The following ERG variants were observed in gnomAD, a reference collection of about 807,000 sequenced individuals.
The protein encoded by ERG is transcriptional regulator ERG.
ERG carries 9 observed loss-of-function variants against 55.3 expected under a neutral mutation model. The ratio of observed to expected loss-of-function variants is 0.16; its 90% confidence interval spans 0.10 to 0.28. The LOEUF is 0.28. ERG is among the 10% of genes least tolerant of loss of function. The pLI is 1.00. For synonymous variants in ERG, 223 were observed against 237.3 expected (o/e 0.94, Z 0.55); for missense variants, 434 against 631.6 (o/e 0.69, Z 3.35).
intron 2 of ERG, among the ~76,000 whole-genome samples, chr21:38,431,647 G>A (rs934335100): frequency 6.6e-6 from 1 of 152,136 alleles, no homozygotes; most frequent in Non-Finnish European, 1.5e-5. Flanking sequence ...CCAAAGCAAA[G>A]ACACAAGTGC....
At chr21:38,402,726 AAAAAAG>A (rs1988562347) in intron 4 of ERG, 89 bp from the exon 5 acceptor site, 44 of 862,602 alleles carry the variant, frequency 5.1e-5, no homozygotes, top group African/African-American at 1.1e-4. Flanking sequence ...AAAAAAAAAA[AAAAAAG>A]AAAGAAAAAG....
At position 38,383,081 on chromosome 21, in the gene ERG, A is replaced by G. The variant is rs1470182652; in HGVS notation, c.*322T>C. The G allele has an allele frequency of 2.7e-6, 3 of 1,114,632 alleles. No individual in the cohort carries two copies. The highest frequency in any genetic ancestry group is 4.4e-5 in the South Asian group (1 of 22,684). The allele number at this position is 1,114,632 out of a possible 1,614,324, so 69.0% of individuals were successfully genotyped here. Reference sequence around the variant, plus strand: ...TTAGTGGGATTCCAAACTCTACTCTAAAGTTTATACATTTCTTAAGACCAC... The same window carrying G: ...TTAGTGGGATTCCAAACTCTACTCTGAAGTTTATACATTTCTTAAGACCAC... On this transcript the variant is annotated 3_prime_UTR_variant, in exon 10 of 10. Coordinates refer to ENST00000288319, the MANE Select transcript of ERG (RefSeq NM_182918.4). The surrounding 1 kb of genome is among the most constrained non-coding windows in gnomAD (Gnocchi z 5.7).
chr21:38,411,328 A>AT (rs35531569), intron 3 of ERG, among the ~76,000 whole-genome samples: 6 of 152,038 alleles, frequency 3.9e-5, no homozygotes, highest in African/African-American at 1.4e-4. Flanking sequence ...ATTTTATTTT[A>AT]TTTTTTTGAG....
At chr21:38,402,712 CAA>C (rs759434219) in intron 4 of ERG, 75 bp from the exon 5 acceptor site, 13,214 of 162,752 alleles carry the variant, frequency 0.081, 146 homozygotes, top group African/African-American at 0.13. Flanking sequence ...ACCTTTCTTA[CAA>C]AAAAAAAAAA....
intron 1 of ERG, among the ~76,000 whole-genome samples, chr21:38,627,652 G>A (rs189842835): frequency 7.6e-4 from 115 of 152,270 alleles, no homozygotes; most frequent in African/African-American, 2.6e-3. Flanking sequence ...TGGCTGTTAT[G>A]GGGAAAGATT....
upstream of ERG, among the ~76,000 whole-genome samples, chr21:38,501,666 G>C (rs2059422514): frequency 6.6e-6 from 1 of 152,112 alleles, no homozygotes; most frequent in African/African-American, 2.4e-5. Flanking sequence ...GAGCCTATCA[G>C]GGCAGGGTCC....
At chr21:38,597,708 C>T (rs936575991) in intron 1 of ERG, among the ~76,000 whole-genome samples, 3 of 152,106 alleles carry the variant, frequency 2.0e-5, no homozygotes, top group African/African-American at 7.2e-5. Context: ...CAACCATACT[C>T]CCAGCATCTG....
At chr21:38,599,314 GGGGAA>G (rs10560930) in intron 1 of ERG, among the ~76,000 whole-genome samples, 5,295 of 152,186 alleles carry the variant, frequency 0.035, 299 homozygotes, top group African/African-American at 0.12. Context: ...GGTGAAGCTA[GGGGAA>G]GGGTACCATC....
At chr21:38,550,046 C>A (rs2836511) in intron 2 of ERG, among the ~76,000 whole-genome samples, 76,705 of 152,036 alleles carry the variant, frequency 0.5, 20,669 homozygotes, top group Non-Finnish European at 0.62. Flanking sequence ...AGTCACCCTG[C>A]ATGTCTGGGT....
chr21:38,445,480 G>C lies in ERG; in HGVS notation c.160C>G (p.Gln54Glu), dbSNP rs368216691. Residue 54 changes from glutamine to glutamate, a missense_variant, in exon 2 of 10, where the codon CAG becomes GAG. Coordinates refer to ENST00000288319, the MANE Select transcript of ERG (RefSeq NM_182918.4). ...TSKMSPRVPQ[Q>E]DWLSQPPARV... ...GCTGGGGGTTGAGACAGCCAATCCT[G>C]CTGAGGGACGCGTGGGCTCATCTTG... The C allele has an allele frequency of 5.6e-6, 9 of 1,614,026 alleles. No individual in the cohort carries two copies. The highest frequency in any genetic ancestry group is 2.2e-5 in the East Asian group (1 of 44,880).
chr21:38,547,492 G>A (rs1297520343), intron 2 of ERG, among the ~76,000 whole-genome samples: 2 of 152,126 alleles, frequency 1.3e-5, no homozygotes, highest in African/African-American at 4.8e-5. Context: ...GGGACACCTG[G>A]GAGAGATTTA....
At chr21:38,590,190 A>G (rs1044657014) in intron 1 of ERG, among the ~76,000 whole-genome samples, 2 of 152,136 alleles carry the variant, frequency 1.3e-5, no homozygotes, top group African/African-American at 2.4e-5. Flanking sequence ...TCAATAAACA[A>G]AGGCTATGAT....
chr21:38,562,653 G>A (rs1342537835), intron 2 of ERG, among the ~76,000 whole-genome samples: 1 of 152,222 alleles, frequency 6.6e-6, no homozygotes, highest in Non-Finnish European at 1.5e-5. Flanking sequence ...AACTGTCTTT[G>A]TTCAAAGAAC....
At position 38,634,524 on chromosome 21, in the gene ERG, C is replaced by T. The variant is rs371419767; in HGVS notation, c.-150+27134G>A. 1.8e-3 allele frequency among the ~76,000 whole-genome samples: 272 copies of T among 152,256 alleles called. 1 individual carries two copies. The highest frequency in any genetic ancestry group is 5.9e-3 in the African/African-American group (247 of 41,552). ...AATATCTGGTGTAGATAACAATCAA[C>T]CTCTCCTCCAACCAAAAACTCTTCG... On this transcript the variant is annotated intron_variant, in intron 1 of 10. Coordinates refer to the ERG transcript ENST00000398910.
At chr21:38,510,488 C>G (rs995113386) in intron 2 of ERG, among the ~76,000 whole-genome samples, 1 of 152,104 alleles carries the variant, frequency 6.6e-6, no homozygotes, top group East Asian at 1.9e-4. Flanking sequence ...CTTTAGTGAC[C>G]CTTAACTCAA....
chr21:38,607,591 G>T (rs146898998), intron 1 of ERG, among the ~76,000 whole-genome samples: 1 of 151,866 alleles, frequency 6.6e-6, no homozygotes, highest in African/African-American at 2.4e-5. Context: ...CCCAGATTGC[G>T]CTGCACCACT....
chr21:38,640,691 C>T (rs564152165), intron 1 of ERG, among the ~76,000 whole-genome samples: 4 of 152,332 alleles, frequency 2.6e-5, no homozygotes, highest in East Asian at 1.9e-4. Flanking sequence ...TGTGAGTCCA[C>T]TAAGCCTCTT....
chr21:38,637,962 T>C (rs909580112), intron 1 of ERG, among the ~76,000 whole-genome samples: 9 of 152,170 alleles, frequency 5.9e-5, no homozygotes, highest in Admixed American at 1.3e-4. Flanking sequence ...ACTGAGTGGA[T>C]TGAAGAGCAA....
intron 2 of ERG, among the ~76,000 whole-genome samples, chr21:38,529,588 T>C (rs1026980101): frequency 6.6e-6 from 1 of 152,210 alleles, no homozygotes; most frequent in African/African-American, 2.4e-5. Context: ...AGAAGCCACG[T>C]TACCTATAGG....
Sources: allele counts gnomAD v4.1 joint callset (sites outside exome capture counted in the v4.1 genomes callset), GRCh38; gene constraint gnomAD v4.1.1; non-coding constraint Gnocchi (gnomAD v3.1); transcripts MANE v1.5; gene names NCBI Gene and HGNC (gene_info 2026-07-23, HGNC 2026-07-21).